The following SEPTIN6 variants were observed in gnomAD, a reference collection of about 807,000 sequenced individuals.
SEPTIN6 encodes the protein septin-6.
SEPTIN6 carries 8 observed loss-of-function variants against 33.6 expected under a neutral mutation model. That is an observed-to-expected ratio of 0.24 (90% CI 0.14 to 0.43). The LOEUF is 0.43. SEPTIN6 is among the 20% of genes least tolerant of loss of function. The pLI, the probability that SEPTIN6 is intolerant of heterozygous loss-of-function variation, is 1.00. For synonymous variants in SEPTIN6, 131 were observed against 140.0 expected, an observed-to-expected ratio of 0.94 and a Z score of 0.45; for missense variants, 250 against 340.8, an observed-to-expected ratio of 0.73 and a Z score of 2.10.
chrX:119,619,487 G>A lies in SEPTIN6; in HGVS notation c.*606C>T, dbSNP rs1299247120. 4.9e-6 allele frequency: 4 copies of A among 814,696 alleles called. No homozygotes were observed. Among genetic ancestry groups the A allele is most frequent in the Non-Finnish European group, 5.9e-6 (4 of 676,737 alleles). The allele number at this position is 814,696 out of a possible 1,213,427, so 67.1% of individuals were successfully genotyped here. On this transcript the variant is annotated 3_prime_UTR_variant, in exon 11 of 11. Coordinates refer to ENST00000394610, the MANE Select transcript of SEPTIN6 (RefSeq NM_145799.4). Reference sequence around the variant, plus strand: ...AGCACAGCTTGAGTGCAGTTACTTCGAGTGAATGAAAACTGGAAAGGGCTG... The same window carrying A: ...AGCACAGCTTGAGTGCAGTTACTTCAAGTGAATGAAAACTGGAAAGGGCTG...
At chrX:119,679,170 G>A (rs1438408531) in intron 1 of SEPTIN6, among the ~76,000 whole-genome samples, 1 of 111,170 alleles carries the variant, frequency 9.0e-6, no homozygotes, top group Non-Finnish European at 1.9e-5. Flanking sequence ...TTGAACTACT[G>A]ACCTCAGGTG....
chrX:119,646,420 T>C (rs1010143584), intron 5 of SEPTIN6, among the ~76,000 whole-genome samples: 2 of 112,091 alleles, frequency 1.8e-5, no homozygotes, highest in African/African-American at 3.2e-5. Context: ...TGGGCCTTTT[T>C]GCTGGTCCTG....
chrX:119,682,632 G>A (rs983489634), intron 1 of SEPTIN6, among the ~76,000 whole-genome samples: 11 of 111,590 alleles, frequency 9.9e-5, no homozygotes, highest in Non-Finnish European at 2.1e-4. Context: ...ATATTATCAA[G>A]AACAAGTTAT....
intron 1 of SEPTIN6, among the ~76,000 whole-genome samples, chrX:119,679,764 G>A (rs1392239031): frequency 8.9e-6 from 1 of 112,017 alleles, no homozygotes; most frequent in Non-Finnish European, 1.9e-5. Context: ...AGGCTGAGAG[G>A]CAGGAGAATC....
intron 10 of SEPTIN6, chrX:119,624,161 T>C (rs767118492): frequency 4.8e-6 from 1 of 210,294 alleles, no homozygotes; most frequent in Non-Finnish European, 9.2e-6. Flanking sequence ...TTTTTTGTTT[T>C]TTTTTTTGTT....
chrX:119,656,421 C>T (rs2054442769), intron 3 of SEPTIN6, among the ~76,000 whole-genome samples: 1 of 111,988 alleles, frequency 8.9e-6, no homozygotes, highest in African/African-American at 3.2e-5. Context: ...GCATTCCAGG[C>T]AGTGGGAATA....
intron 10 of SEPTIN6, among the ~76,000 whole-genome samples, chrX:119,625,067 C>T (rs901240996): frequency 2.7e-5 from 3 of 111,616 alleles, no homozygotes; most frequent in African/African-American, 9.8e-5. Flanking sequence ...AAATACTGAT[C>T]ACAGGATCCA....
chrX:119,647,536 T>G (rs1347057704), intron 5 of SEPTIN6, among the ~76,000 whole-genome samples: 1 of 94,576 alleles, frequency 1.1e-5, no homozygotes, highest in East Asian at 3.2e-4. Context: ...CCTGCAGTAG[T>G]GCAGTGGCTC....
At chrX:119,657,811 C>A (rs1277308342) in intron 3 of SEPTIN6, among the ~76,000 whole-genome samples, 1 of 112,086 alleles carries the variant, frequency 8.9e-6, no homozygotes, top group African/African-American at 3.2e-5. Flanking sequence ...CCGCGCTTAA[C>A]CTAAATTTAT....
intron 2 of SEPTIN6, among the ~76,000 whole-genome samples, chrX:119,667,547 T>C (rs2054664626): frequency 9.0e-6 from 1 of 111,482 alleles, no homozygotes. Context: ...GCTCATCCTA[T>C]GGCTATCGAG....
intron 3 of SEPTIN6, among the ~76,000 whole-genome samples, chrX:119,661,778 G>A (rs865882304): frequency 3.6e-5 from 4 of 111,138 alleles, no homozygotes; most frequent in Non-Finnish European, 7.6e-5. Flanking sequence ...TTGCTCTGCC[G>A]CCCAGGCTGG....
intron 3 of SEPTIN6, among the ~76,000 whole-genome samples, chrX:119,655,322 A>G (rs1253040691): frequency 1.8e-5 from 2 of 110,362 alleles, no homozygotes; most frequent in African/African-American, 6.6e-5. Context: ...TCTGGAACAT[A>G]GTAAAGTTTC....
intron 2 of SEPTIN6, among the ~76,000 whole-genome samples, chrX:119,668,132 C>T (rs954910094): frequency 1.5e-4 from 17 of 110,083 alleles, no homozygotes; most frequent in Non-Finnish European, 3.2e-4. Flanking sequence ...CCCGTCTCTA[C>T]TAAAAATACA....
At chrX:119,666,763 A>G (rs139899583) in intron 2 of SEPTIN6, among the ~76,000 whole-genome samples, 29 of 111,621 alleles carry the variant, frequency 2.6e-4, no homozygotes, top group African/African-American at 9.4e-4. Context: ...TTCCTCCCCT[A>G]AAGGAACAGG....
chrX:119,659,460 T>A lies in SEPTIN6; in HGVS notation c.341+4022A>T, dbSNP rs192127174. Among the ~76,000 whole-genome samples, 7 of 112,111 alleles carry A rather than the reference T, an allele frequency of 6.2e-5. No individual in the cohort carries two copies. In the East Asian group the frequency reaches 1.1e-3, roughly 18 times the overall value. On this transcript the variant is annotated intron_variant, in intron 3 of 10. Coordinates refer to ENST00000394610, the MANE Select transcript of SEPTIN6 (RefSeq NM_145799.4). ...CCAAACCCAAAGAATATTTTGCAGT[T>A]CTCGTCTTCCTGGATACCATGTATC...
rs1460150788 is a variant in SEPTIN6, at chrX:119,620,468, G to A, written c.*42-417C>T. Among the ~76,000 whole-genome samples the A allele has an allele frequency of 6.5e-5, 7 of 107,982 alleles. No individual in the cohort carries two copies. In the South Asian group the frequency reaches 1.2e-3, roughly 19 times the overall value. 93.8% of individuals were successfully genotyped at this position (107,982 alleles called of 115,157 possible). On this transcript the variant is annotated intron_variant, in intron 10 of 10. Transcript: ENST00000394610. ...CCAGCAGCTGGGACTACAGGAGCCCGCCGCCACACCCGGCTAATTTTTTTG... is the reference window on the plus strand; with the variant it reads ...CCAGCAGCTGGGACTACAGGAGCCCACCGCCACACCCGGCTAATTTTTTTG...
chrX:119,647,006 C>A (rs1011121991), intron 5 of SEPTIN6, among the ~76,000 whole-genome samples: 1 of 111,026 alleles, frequency 9.0e-6, no homozygotes, highest in Non-Finnish European at 1.9e-5. Flanking sequence ...GCTCCTCTCA[C>A]AGGCATGCCA....
chrX:119,667,422 A>G (rs1270074980), intron 2 of SEPTIN6, among the ~76,000 whole-genome samples: 1 of 111,535 alleles, frequency 9.0e-6, no homozygotes, highest in Admixed American at 9.6e-5. Context: ...GCCTGCTGGC[A>G]CAAAAGCGCT....
rs766794243 is a variant in SEPTIN6, at chrX:119,618,823, C to G, written c.*1270G>C. The stretch of plus-strand genomic sequence containing the variant: ...GGGCAGAGAGACGGCATGTTAGCCA[C>G]AGATCATTGCCAGGTCAACTCCATC... On this transcript the variant is annotated 3_prime_UTR_variant, in exon 11 of 11. Transcript: ENST00000394610. 151 of 1,207,422 alleles carry G rather than the reference C, an allele frequency of 1.3e-4. No homozygotes were observed. The East Asian group carries it at 4.3e-3, about 35-fold the overall frequency.
Sources: allele counts gnomAD v4.1 joint callset (sites outside exome capture counted in the v4.1 genomes callset), GRCh38; gene constraint gnomAD v4.1.1; transcripts MANE v1.5; gene names NCBI Gene and HGNC (gene_info 2026-07-23, HGNC 2026-07-21).